The following USP9X variants were observed in gnomAD, a reference collection of about 807,000 sequenced individuals.
USP9X encodes ubiquitin specific peptidase 9 X-linked.
In USP9X, 7 loss-of-function variants were observed where a neutral mutation model predicts 190.3. The observed-to-expected ratio is 0.04, with a 90% CI of 0.02 to 0.07. USP9X has a LOEUF of 0.07. USP9X is among the 10% of genes least tolerant of loss of function. The probability of loss-of-function intolerance (pLI) is 1.00; values close to 1 mark genes in which losing one functional copy is unlikely to be tolerated. For synonymous variants in USP9X, 645 were observed against 659.5 expected, an observed-to-expected ratio of 0.98 and a Z score of 0.34; for missense variants, 1,010 against 1,916.9, an observed-to-expected ratio of 0.53 and a Z score of 8.83.
chrX:41,207,837 T>G (rs987057710), intron 32 of USP9X, among the ~76,000 whole-genome samples: 2 of 110,392 alleles, frequency 1.8e-5, no homozygotes, highest in Admixed American at 1.9e-4. Context: ...TACTAGTGTC[T>G]TGCGTGGACC....
chrX:41,096,201 CG>C (rs995949833), intron 1 of USP9X, among the ~76,000 whole-genome samples: 4 of 112,592 alleles, frequency 3.6e-5, no homozygotes, highest in African/African-American at 1.3e-4. Flanking sequence ...TCTTCCCCCC[CG>C]CTCCCCGCAA....
rs762799128 is a variant in USP9X at position 41,197,339 on chromosome X, C to T, written c.4234-25C>T. On this transcript the variant is annotated intron_variant, in intron 28 of 44. Coordinates refer to ENST00000378308, the MANE Select transcript of USP9X (RefSeq NM_001039591.3). ...CTAGACATTTGATTTCTTCCCCCCC[C>T]CACCCCACCCCCCGCCTTTGGCAGG... The T allele has an allele frequency of 1.3e-5, 8 of 608,677 alleles. No individual in the cohort carries two copies. In the East Asian group the frequency reaches 3.7e-4, roughly 28 times the overall value. The allele number at this position is 608,677 out of a possible 1,213,427, so 50.2% of individuals were successfully genotyped here.
chrX:41,194,978 C>T (rs911749663), intron 26 of USP9X, among the ~76,000 whole-genome samples: 1 of 111,083 alleles, frequency 9.0e-6, no homozygotes, highest in African/African-American at 3.3e-5. Flanking sequence ...AATCATGAGA[C>T]AAGGTTTTCC....
intron 21 of USP9X, among the ~76,000 whole-genome samples, chrX:41,179,313 A>G (rs1313667407): frequency 1.8e-5 from 2 of 111,965 alleles, no homozygotes; most frequent in Non-Finnish European, 3.8e-5. Context: ...TGGTATTTTA[A>G]TAGAGATTGC....
At chrX:41,139,266 C>T (rs1454227530) in intron 6 of USP9X, among the ~76,000 whole-genome samples, 1 of 112,096 alleles carries the variant, frequency 8.9e-6, no homozygotes, top group Non-Finnish European at 1.9e-5. Context: ...TTGAATTAGC[C>T]TTTCATGACT....
At chrX:41,230,336 G>GTTTTTTTTTTT (rs11348635) in intron 43 of USP9X, among the ~76,000 whole-genome samples, 165 bp from the exon 44 acceptor site, 2 of 95,842 alleles carry the variant, frequency 2.1e-5, no homozygotes, top group Non-Finnish European at 2.1e-5. Flanking sequence ...TTTTTGTTTT[G>GTTTTTTTTTTT]TTTTTTTTTT....
chrX:41,187,277 C>T (rs1372578174), intron 24 of USP9X, among the ~76,000 whole-genome samples: 1 of 112,245 alleles, frequency 8.9e-6, no homozygotes, highest in African/African-American at 3.2e-5. Flanking sequence ...TATTTTTTGT[C>T]TTCTGGAGTT....
At chrX:41,179,236 A>ATT (rs202224467) in intron 21 of USP9X, among the ~76,000 whole-genome samples, 2 of 110,918 alleles carry the variant, frequency 1.8e-5, no homozygotes, top group African/African-American at 3.3e-5. Context: ...TGTTTTTTGT[A>ATT]TTTTTTTGTT....
chrX:41,094,869 G>A (rs1245016521), intron 1 of USP9X, among the ~76,000 whole-genome samples: 4 of 108,126 alleles, frequency 3.7e-5, no homozygotes, highest in South Asian at 4.1e-4. Context: ...TGAGACCCCC[G>A]TCTCTACTAA....
chrX:41,149,985 C>T lies in USP9X; in HGVS notation c.1627-936C>T, dbSNP rs749556418. The stretch of plus-strand genomic sequence containing the variant: ...CCTCCCAAAGTGGTGGGATTACAGG[C>T]ATGAGCCACAGCTCCCAGCTGTGAA... On this transcript the variant is annotated intron_variant, in intron 12 of 44. Coordinates refer to ENST00000378308, the MANE Select transcript of USP9X (RefSeq NM_001039591.3). Among the ~76,000 whole-genome samples the T allele has an allele frequency of 3.0e-4, 33 of 111,386 alleles. No homozygotes were observed. The Admixed American group carries it at 3.0e-3, about 10-fold the overall frequency.
intron 14 of USP9X, among the ~76,000 whole-genome samples, chrX:41,162,040 T>G (rs1359956489): frequency 1.8e-5 from 2 of 111,642 alleles, no homozygotes; most frequent in Non-Finnish European, 3.8e-5. Flanking sequence ...TATATGGGGC[T>G]TTTTTCTTTA....
chrX:41,205,933 C>T (rs1415828052), intron 32 of USP9X, among the ~76,000 whole-genome samples: 1 of 100,637 alleles, frequency 9.9e-6, no homozygotes, highest in Admixed American at 1.1e-4. Flanking sequence ...TCTTGTTGCC[C>T]AGGCTGGAGT....
intron 32 of USP9X, 50 bp downstream of exon 32, chrX:41,205,543 C>T (rs2063083620): frequency 9.5e-7 from 1 of 1,049,263 alleles, no homozygotes; most frequent in Non-Finnish European, 1.3e-6. Flanking sequence ...ATGAACATCT[C>T]AATACACTAA....
chrX:41,192,308 A>G (rs1233972050), intron 26 of USP9X, among the ~76,000 whole-genome samples: 2 of 112,067 alleles, frequency 1.8e-5, no homozygotes, highest in East Asian at 5.6e-4. Context: ...CCTTATCCCT[A>G]ATCTAGGAAA....
intron 13 of USP9X, among the ~76,000 whole-genome samples, chrX:41,151,346 C>G (rs950208436): frequency 9.0e-6 from 1 of 111,110 alleles, no homozygotes; most frequent in Non-Finnish European, 1.9e-5. Context: ...GCAAGTATGC[C>G]AAGAAGTTTC....
At chrX:41,089,760 T>C (rs760008275) in intron 1 of USP9X, among the ~76,000 whole-genome samples, 13 of 110,901 alleles carry the variant, frequency 1.2e-4, no homozygotes, top group Non-Finnish European at 1.9e-4. Flanking sequence ...TGATGTATAA[T>C]TGTTTTATGG....
chrX:41,129,309 A>C (rs1184825985), intron 3 of USP9X, among the ~76,000 whole-genome samples, 164 bp downstream of exon 3: 1 of 112,624 alleles, frequency 8.9e-6, no homozygotes, highest in Non-Finnish European at 1.9e-5. Context: ...AAAATTTCAC[A>C]TTAATGATGA....
At chrX:41,197,340 C>T (rs751574041) in intron 28 of USP9X, 24 bp from the exon 29 acceptor site, 8 of 648,402 alleles carry the variant, frequency 1.2e-5, no homozygotes, top group South Asian at 4.3e-5. Context: ...TTCCCCCCCC[C>T]ACCCCACCCC....
chrX:41,195,501 G>C (rs928886778), intron 26 of USP9X, among the ~76,000 whole-genome samples: 1 of 111,430 alleles, frequency 9.0e-6, no homozygotes, highest in African/African-American at 3.3e-5. Flanking sequence ...TCTGGGGACC[G>C]TGCTTTTGGA....
Sources: allele counts gnomAD v4.1 joint callset (sites outside exome capture counted in the v4.1 genomes callset), GRCh38; gene constraint gnomAD v4.1.1; transcripts MANE v1.5; gene names NCBI Gene and HGNC (gene_info 2026-07-23, HGNC 2026-07-21).